Variants in TAFA1 observed in about 807,000 individuals in gnomAD.
TAFA1 encodes TAFA chemokine like family member 1, also known as chemokine-like protein TAFA-1.
A neutral mutation model predicts 18.5 loss-of-function variants in TAFA1; 4 were observed. The observed-to-expected ratio is 0.22, with a 90% CI of 0.11 to 0.49. The LOEUF (loss-of-function observed/expected upper bound fraction) is 0.49, where lower values mean the gene tolerates loss of function less well. TAFA1 is among the 20% of genes least tolerant of loss of function. TAFA1 has a pLI of 0.98. For synonymous variants in TAFA1, 56 were observed against 55.2 expected (o/e 1.01, Z -0.06); for missense variants, 147 against 169.0 (o/e 0.87, Z 0.72).
At chr3:68,498,721 G>GTTTTTTTTTTTTTTTTTTTTTTTTTT (rs1559694779) in intron 3 of TAFA1, among the ~76,000 whole-genome samples, 2 of 101,722 alleles carry the variant, frequency 2.0e-5, no homozygotes, top group African/African-American at 5.3e-5. Flanking sequence ...CCGTTTGGTG[G>GTTTTTTTTTTTTTTTTTTTTTTTTTT]CTTTTTTTTT....
chr3:68,259,163 G>A (rs553518811), intron 2 of TAFA1, among the ~76,000 whole-genome samples: 19 of 152,248 alleles, frequency 1.2e-4, no homozygotes, highest in Admixed American at 1.2e-3. Flanking sequence ...CATTTTGAAT[G>A]GAAAGGTGCT....
At chr3:68,420,497 G>A (rs535242249) in intron 3 of TAFA1, among the ~76,000 whole-genome samples, 1 of 152,278 alleles carries the variant, frequency 6.6e-6, no homozygotes, top group South Asian at 2.1e-4. Context: ...TAGGATTACA[G>A]GCATGAGCCA....
intron 2 of TAFA1, among the ~76,000 whole-genome samples, chr3:68,219,647 T>A (rs1013696069): frequency 7.2e-5 from 11 of 152,156 alleles, no homozygotes; most frequent in Non-Finnish European, 1.2e-4. Flanking sequence ...ATGTCTCTGA[T>A]GCTTCACCTT....
chr3:68,237,155 A>G (rs1253523086), intron 2 of TAFA1, among the ~76,000 whole-genome samples: 1 of 152,198 alleles, frequency 6.6e-6, no homozygotes, highest in Non-Finnish European at 1.5e-5. Context: ...GGAGACTGGC[A>G]AGTCCATGGT....
chr3:68,263,476 C>CACAA (rs1553662932), intron 2 of TAFA1, among the ~76,000 whole-genome samples: 3 of 151,612 alleles, frequency 2.0e-5, no homozygotes, highest in African/African-American at 7.3e-5. Flanking sequence ...CACACACACA[C>CACAA]ACACATTTTG....
intron 2 of TAFA1, among the ~76,000 whole-genome samples, chr3:68,265,655 A>G (rs377604937): frequency 1.3e-5 from 2 of 152,312 alleles, no homozygotes; most frequent in South Asian, 4.1e-4. Context: ...GAACCAGAAA[A>G]GCATGGCCTT....
chr3:68,371,114 T>C (rs2069697998), intron 2 of TAFA1, among the ~76,000 whole-genome samples: 3 of 152,196 alleles, frequency 2.0e-5, no homozygotes, highest in Admixed American at 1.3e-4. Context: ...TCCCCATTGA[T>C]GCAATGTAAA....
intron 2 of TAFA1, among the ~76,000 whole-genome samples, chr3:68,302,504 A>G (rs2068322352): frequency 6.6e-6 from 1 of 151,966 alleles, no homozygotes; most frequent in African/African-American, 2.4e-5. Context: ...GAACTCCCCC[A>G]GCTATTTGTC....
intron 2 of TAFA1, among the ~76,000 whole-genome samples, chr3:68,083,230 G>C (rs1237105478): frequency 6.6e-6 from 1 of 152,144 alleles, no homozygotes; most frequent in Non-Finnish European, 1.5e-5. Flanking sequence ...TGGGCAGTAA[G>C]GAAATTAATT....
At chr3:68,271,883 A>T (rs1349959430) in intron 2 of TAFA1, among the ~76,000 whole-genome samples, 1 of 151,836 alleles carries the variant, frequency 6.6e-6, no homozygotes, top group Non-Finnish European at 1.5e-5. Context: ...CAATGAGTTT[A>T]TTCACCTCAG....
chr3:68,535,654 T>G (rs1317893482), intron 3 of TAFA1, among the ~76,000 whole-genome samples: 1 of 152,144 alleles, frequency 6.6e-6, no homozygotes, highest in Non-Finnish European at 1.5e-5. Flanking sequence ...AGAGTAGACA[T>G]GACTTTGCAT....
At chr3:68,411,408 C>A (rs895672540) in intron 2 of TAFA1, among the ~76,000 whole-genome samples, 1 of 152,126 alleles carries the variant, frequency 6.6e-6, no homozygotes, top group African/African-American at 2.4e-5. Flanking sequence ...ATTTGTTATT[C>A]ATTTTTCACT....
chr3:68,225,224 T>C (rs559741446), intron 2 of TAFA1, among the ~76,000 whole-genome samples: 5 of 152,084 alleles, frequency 3.3e-5, no homozygotes, highest in Non-Finnish European at 7.4e-5. Context: ...TGGCACTTTA[T>C]TACTTGTTTC....
At chr3:68,333,799 A>G (rs924922607) in intron 2 of TAFA1, among the ~76,000 whole-genome samples, 4 of 152,214 alleles carry the variant, frequency 2.6e-5, no homozygotes, top group Non-Finnish European at 4.4e-5. Flanking sequence ...TGAATGAATG[A>G]AGAAATGGCA....
At chr3:68,136,195 C>T (rs896542530) in intron 2 of TAFA1, among the ~76,000 whole-genome samples, 11 of 152,132 alleles carry the variant, frequency 7.2e-5, no homozygotes, top group African/African-American at 2.7e-4. Flanking sequence ...CCTATATTTC[C>T]TTCACACTGG....
At chr3:68,500,618 G>A (rs980675065) in intron 3 of TAFA1, among the ~76,000 whole-genome samples, 2 of 151,940 alleles carry the variant, frequency 1.3e-5, no homozygotes, top group Non-Finnish European at 2.9e-5. Flanking sequence ...CATCTATGCT[G>A]CTTTTGTGAT....
chr3:68,314,780 G>A (rs1306025781), intron 2 of TAFA1, among the ~76,000 whole-genome samples: 2 of 151,978 alleles, frequency 1.3e-5, no homozygotes, highest in East Asian at 1.9e-4. Flanking sequence ...AACAGGAGGA[G>A]CTTCAGGACG....
At chr3:68,013,855 C>T (rs1704520931) in intron 2 of TAFA1, among the ~76,000 whole-genome samples, 1 of 152,120 alleles carries the variant, frequency 6.6e-6, no homozygotes, top group South Asian at 2.1e-4. Context: ...CACAGGGTTT[C>T]TCCAAGAAAA....
intron 2 of TAFA1, among the ~76,000 whole-genome samples, chr3:68,125,180 C>A (rs2065449372): frequency 6.6e-6 from 1 of 152,196 alleles, no homozygotes; most frequent in African/African-American, 2.4e-5. Flanking sequence ...CTGTCTGTTT[C>A]ACCCTGGGTG....
Sources: gnomAD v4.1 joint callset for allele counts (sites outside exome capture counted in the v4.1 genomes callset) on GRCh38, gnomAD v4.1.1 for gene constraint, MANE v1.5 for transcripts, NCBI Gene and HGNC (gene_info 2026-07-23, HGNC 2026-07-21) for gene names.